STX3: variants seen among roughly 807,000 people sequenced by gnomAD.
The protein encoded by STX3 is syntaxin 3, also known as syntaxin-3.
Under a neutral mutation model 40.2 loss-of-function variants are expected in STX3, and 19 were observed. The ratio of observed to expected loss-of-function variants is 0.47; its 90% CI spans 0.33 to 0.69. STX3 has a LOEUF of 0.69. Among genes scored for constraint, STX3 ranks in the 30% least tolerant of loss-of-function variants. STX3 has a pLI of 0.02. For missense variants in STX3, 364 were observed against 366.7 expected, an observed-to-expected ratio of 0.99 and a Z score of 0.06; for synonymous variants, 122 against 132.2, an observed-to-expected ratio of 0.92 and a Z score of 0.53.
chr11:59,774,516 A>G (rs1353112743), intron 2 of STX3, among the ~76,000 whole-genome samples: 1 of 151,894 alleles, frequency 6.6e-6, no homozygotes, highest in African/African-American at 2.4e-5. Flanking sequence ...AACAACAAAA[A>G]TCCCCATTGA....
chr11:59,792,342 C>A, intron 6 of STX3, 127 bp downstream of exon 6: 2 of 687,552 alleles, frequency 2.9e-6, no homozygotes, highest in Non-Finnish European at 5.1e-6. Flanking sequence ...GCAGCTCCTG[C>A]ACCACTGGCA....
At position 59,802,458 on chromosome 11, in the gene STX3, T is replaced by G; in HGVS notation, c.*1634T>G. On this transcript the variant is annotated 3_prime_UTR_variant, in exon 11 of 11. Transcript: ENST00000337979. ...AAAGGCTACTTATGGCCGGTCACAA[T>G]CCAGCACTCAGACAGAGCCAAGGCA... 1 of 985,808 alleles carries G rather than the reference T, an allele frequency of 1.0e-6. No homozygotes were observed. The highest frequency in any genetic ancestry group is 1.2e-6 in the Non-Finnish European group (1 of 829,930). 61.1% of individuals were successfully genotyped at this position (985,808 alleles called of 1,614,324 possible). A position where few individuals can be genotyped will look rare whatever the true frequency, so the allele number is the denominator to read the frequency against.
intron 3 of STX3, among the ~76,000 whole-genome samples, chr11:59,787,442 T>C (rs914430940): frequency 1.3e-5 from 2 of 152,162 alleles, no homozygotes; most frequent in Non-Finnish European, 2.9e-5. Flanking sequence ...CTGTCCCTCC[T>C]CTGAGCCTCT....
Position 59,801,006 on chromosome 11 carries a change from AATGTGATCTACCTG to A in STX3, c.*186_*199del. 1 of 1,522,404 alleles carries A rather than the reference AATGTGATCTACCTG, an allele frequency of 6.6e-7. No homozygotes were observed. Among genetic ancestry groups the A allele is most frequent in the Non-Finnish European group, 8.8e-7 (1 of 1,139,312 alleles). The allele number at this position is 1,522,404 out of a possible 1,614,324, so 94.3% of individuals were successfully genotyped here. A position where few individuals can be genotyped will look rare whatever the true frequency, so the allele number is the denominator to read the frequency against. The stretch of plus-strand genomic sequence containing the variant: ...TCAGCTAACAATCTAGCCCTGGGGG[AATGTGATCTACCTG>A]ATGCGACCCTGAGTTCTCCCCAGAG... On this transcript the variant is annotated 3_prime_UTR_variant, in exon 11 of 11. Transcript: ENST00000337979.
chr11:59,795,760 T>C (rs1248893617), intron 9 of STX3: 1 of 1,491,900 alleles, frequency 6.7e-7, no homozygotes, highest in Admixed American at 2.0e-5. Context: ...GTCTTACTAG[T>C]ATCTCTTCTC....
At chr11:59,779,135 C>T (rs1286583124) in intron 2 of STX3, among the ~76,000 whole-genome samples, 1 of 152,084 alleles carries the variant, frequency 6.6e-6, no homozygotes, top group Non-Finnish European at 1.5e-5. Context: ...ACCACGCTGG[C>T]CAAAAATTTA....
At position 59,803,273 on chromosome 11, in the gene STX3, C is replaced by T. The variant is rs1865966099; in HGVS notation, c.*2449C>T. The T allele has an allele frequency of 8.1e-7, 1 of 1,231,664 alleles. No homozygotes were observed. Among genetic ancestry groups the T allele is most frequent in the Non-Finnish European group, 1.0e-6 (1 of 987,912 alleles). The allele number at this position is 1,231,664 out of a possible 1,614,324, so 76.3% of individuals were successfully genotyped here. ...ATCCTTGCGATCATCTTAGCTTCCA[C>T]CATTGGGAGCATATTTGCCTGAAAA... is the stretch of plus-strand genomic sequence containing the variant. On this transcript the variant is annotated 3_prime_UTR_variant, in exon 11 of 11. Coordinates refer to ENST00000337979, the MANE Select transcript of STX3 (RefSeq NM_004177.5).
chr11:59,790,844 G>T (rs888516312), intron 5 of STX3, among the ~76,000 whole-genome samples: 3 of 152,092 alleles, frequency 2.0e-5, no homozygotes, highest in African/African-American at 4.8e-5. Flanking sequence ...AGGATTTAGC[G>T]TGCCTTCTTG....
At chr11:59,773,528 G>C (rs1202931376) in intron 2 of STX3, among the ~76,000 whole-genome samples, 2 of 152,144 alleles carry the variant, frequency 1.3e-5, no homozygotes, top group Non-Finnish European at 2.9e-5. Context: ...TAATTGAAGA[G>C]ATGCTTTTAA....
Position 59,755,763 on chromosome 11 carries a change from G to C in STX3, c.30+128G>C. 10 of 1,281,064 alleles carry C rather than the reference G, an allele frequency of 7.8e-6. No individual in the cohort carries two copies. The South Asian group carries it at 1.5e-4, about 19-fold the overall frequency. The allele number at this position is 1,281,064 out of a possible 1,614,324, so 79.4% of individuals were successfully genotyped here. On this transcript the variant is annotated intron_variant, in intron 1 of 10. Coordinates refer to ENST00000337979, the MANE Select transcript of STX3 (RefSeq NM_004177.5). ...GGCTTGCCCTCCCCAAGCCCCCACC[G>C]CTTCCCGCGCCGGTTCCGCACCCTC...
rs560596512 is a variant in STX3 at position 59,771,699 on chromosome 11, A to G, written c.31-1512A>G. Among the ~76,000 whole-genome samples the G allele has an allele frequency of 3.3e-5, 5 of 152,156 alleles. No individual in the cohort carries two copies. The East Asian group carries it at 9.7e-4, about 29-fold the overall frequency. ...GTGTGTCCAGGGAATGGTGTGTCCA[A>G]CTGCTTGCTTGGTCTAGAGTGTGCA... On this transcript the variant is annotated intron_variant, in intron 1 of 10. Transcript: ENST00000337979.
rs368452952 is a variant in STX3 at position 59,778,450 on chromosome 11, G to A, written c.114+5156G>A. 5.3e-5 allele frequency among the ~76,000 whole-genome samples: 8 copies of A among 152,252 alleles called. No individual in the cohort carries two copies. In the East Asian group the frequency reaches 7.7e-4, roughly 15 times the overall value. ...AAAGTGAGTACTCAGCAAAGGGACA[G>A]GATTGCCAGGATTGCCATCAAACAC... On this transcript the variant is annotated intron_variant, in intron 2 of 10. Coordinates refer to ENST00000337979, the MANE Select transcript of STX3 (RefSeq NM_004177.5).
At chr11:59,787,268 C>G (rs1590807746) in intron 3 of STX3, 132 bp downstream of exon 3, 1 of 678,298 alleles carries the variant, frequency 1.5e-6, no homozygotes, top group East Asian at 2.9e-5. Flanking sequence ...CATATTATCT[C>G]ATTTCCCTCC....
At chr11:59,766,124 C>T (rs1863271836) in intron 1 of STX3, among the ~76,000 whole-genome samples, 1 of 152,136 alleles carries the variant, frequency 6.6e-6, no homozygotes, top group Admixed American at 6.5e-5. Context: ...GTCCTGGGAC[C>T]CTTTTGTCTG....
chr11:59,780,694 C>A (rs1864315825), intron 2 of STX3, among the ~76,000 whole-genome samples: 1 of 152,172 alleles, frequency 6.6e-6, no homozygotes. Context: ...GCTCTGGTGA[C>A]CCTGCCTTCC....
Position 59,802,036 on chromosome 11 carries a change from G to A in STX3, c.*1212G>A. 1 of 985,332 alleles carries A rather than the reference G, an allele frequency of 1.0e-6. No individual in the cohort carries two copies. The highest frequency in any genetic ancestry group is 1.2e-6 in the Non-Finnish European group (1 of 829,910). The allele number at this position is 985,332 out of a possible 1,614,324, so 61.0% of individuals were successfully genotyped here. ...TAGCAGACAGAAGGTATAATTTTTT[G>A]ACACCCTTTCCCACCTGGTGCCTAT... On this transcript the variant is annotated 3_prime_UTR_variant, in exon 11 of 11. Transcript: ENST00000337979.
At chr11:59,800,086 A>T (rs552979325) in intron 10 of STX3, 2 of 985,410 alleles carry the variant, frequency 2.0e-6, no homozygotes, top group African/African-American at 3.5e-5. Context: ...CAGACTAATT[A>T]ATATGTTGTT....
At chr11:59,774,344 A>G (rs1468774649) in intron 2 of STX3, among the ~76,000 whole-genome samples, 2 of 151,706 alleles carry the variant, frequency 1.3e-5, no homozygotes, top group Non-Finnish European at 2.9e-5. Context: ...AATTTCCCAC[A>G]GGTGGGATCA....
In STX3 at chr11:59,788,947, A is replaced by G. The variant is rs1442402447; in HGVS notation, c.289A>G (p.Ser97Gly). Residue 97 changes from serine (S) to glycine (G), a missense_variant and splice_region_variant, in exon 4 of 11, where the codon AGC (serine) becomes GGC (glycine). Transcript: ENST00000337979. The part of the protein sequence containing the change: ...RANNVRNKLK[S>G]MEKHIEEDEV... ...CAACAACGTCCGGAACAAACTGAAG[A>G]GTAAGAAGGGAACAAAGAAAACAAG... The G allele has an allele frequency of 7.5e-6, 12 of 1,607,878 alleles. No individual in the cohort carries two copies. Among genetic ancestry groups the G allele is most frequent in the Non-Finnish European group, 1.0e-5 (12 of 1,176,782 alleles).
Sources: gnomAD v4.1 joint callset for allele counts (sites outside exome capture counted in the v4.1 genomes callset) on GRCh38, gnomAD v4.1.1 for gene constraint, MANE v1.5 for transcripts, NCBI Gene and HGNC (gene_info 2026-07-23, HGNC 2026-07-21) for gene names.